Variants in FAM118A observed in about 807,000 individuals in gnomAD.
FAM118A encodes the protein SIR2 antiphage like 2.
In FAM118A, 25 loss-of-function variants were observed where a neutral mutation model predicts 38.2. The observed-to-expected ratio is 0.65, with a 90% CI of 0.48 to 0.91. The LOEUF (loss-of-function observed/expected upper bound fraction) is 0.91, where lower values mean the gene tolerates loss of function less well. Among genes scored for constraint, FAM118A ranks in the 40% least tolerant of loss-of-function variants. FAM118A has a pLI of 0.00. For missense variants in FAM118A, 425 were observed against 463.3 expected (o/e 0.92, Z 0.76); for synonymous variants, 178 against 184.1 (o/e 0.97, Z 0.27).
At chr22:45,336,517 G>A (rs1362933168) in intron 8 of FAM118A, 106 bp downstream of exon 8, 37 of 805,518 alleles carry the variant, frequency 4.6e-5, no homozygotes, top group Non-Finnish European at 7.0e-5. Context: ...TATGGTGGGA[G>A]GACGGTGCAT....
intron 8 of FAM118A, among the ~76,000 whole-genome samples, chr22:45,339,137 G>A (rs2086303196): frequency 6.6e-6 from 1 of 152,198 alleles, no homozygotes; most frequent in African/African-American, 2.4e-5. Context: ...GGGCTTAGTG[G>A]TTCACGCCTA....
At chr22:45,336,642 C>T (rs761648814) in intron 8 of FAM118A, among the ~76,000 whole-genome samples, 5 of 152,162 alleles carry the variant, frequency 3.3e-5, no homozygotes, top group Non-Finnish European at 7.3e-5. Context: ...AAAAATGTTA[C>T]GGAGAAAACA....
At chr22:45,335,947 C>T (rs925660965) in intron 7 of FAM118A, among the ~76,000 whole-genome samples, 1 of 152,198 alleles carries the variant, frequency 6.6e-6, no homozygotes, top group Non-Finnish European at 1.5e-5. Flanking sequence ...TGGTGAGTGG[C>T]GCGGAGGCCT....
chr22:45,330,763 C>T, intron 5 of FAM118A, 32 bp downstream of exon 5: 1 of 1,495,910 alleles, frequency 6.7e-7, no homozygotes. Flanking sequence ...ATCGGTGCGT[C>T]CTCTCAGGGA....
intron 1 of FAM118A, among the ~76,000 whole-genome samples, chr22:45,312,399 G>A (rs961138549): frequency 1.3e-5 from 2 of 152,100 alleles, no homozygotes; most frequent in African/African-American, 4.8e-5. Flanking sequence ...TTTGCCAGTC[G>A]CGGTGGCTCA....
At chr22:45,319,154 G>A (rs1294907332) in intron 1 of FAM118A, among the ~76,000 whole-genome samples, 2 of 152,240 alleles carry the variant, frequency 1.3e-5, no homozygotes, top group East Asian at 3.8e-4. Context: ...TTGAACAGTG[G>A]TTGAAAGAAC....
At chr22:45,319,468 A>T (rs895176707) in intron 1 of FAM118A, among the ~76,000 whole-genome samples, 1 of 152,184 alleles carries the variant, frequency 6.6e-6, no homozygotes, top group African/African-American at 2.4e-5. Context: ...GGAGGCCGGG[A>T]GTGTGCAGGC....
At chr22:45,335,266 G>T in intron 6 of FAM118A, 84 bp from the exon 7 acceptor site, 7 of 1,526,106 alleles carry the variant, frequency 4.6e-6, no homozygotes, top group Non-Finnish European at 6.3e-6. Context: ...AGTCCCTGCC[G>T]TTCCCAGTCA....
intron 3 of FAM118A, among the ~76,000 whole-genome samples, chr22:45,327,235 A>G (rs6006985): frequency 0.44 from 66,920 of 151,244 alleles, 18,126 homozygotes; most frequent in African/African-American, 0.76. Flanking sequence ...GCAAGGCCCT[A>G]TCTCAAAAAA....
chr22:45,313,095 A>G (rs1235762696), intron 1 of FAM118A, among the ~76,000 whole-genome samples: 1 of 152,138 alleles, frequency 6.6e-6, no homozygotes, highest in Non-Finnish European at 1.5e-5. Context: ...TCAGCTCATT[A>G]GCATACAAAA....
Position 45,328,061 on chromosome 22 carries a change from A to C in FAM118A, c.520A>C (p.Lys174Gln), listed in dbSNP as rs1283418683. Residue 174 changes from lysine to glutamine, a missense_variant and splice_region_variant, in exon 4 of 9, where the codon AAG (lysine) becomes CAG (glutamine). Coordinates refer to ENST00000441876, the MANE Select transcript of FAM118A (RefSeq NM_017911.4). ...GTCCCTGGACTTGAAGGACAAGACCAAGGTATGGGCTGGGGGTGCGGGAGG... is the reference window on the plus strand; with the variant it reads ...GTCCCTGGACTTGAAGGACAAGACCCAGGTATGGGCTGGGGGTGCGGGAGG... ...MESLDLKDKT[K>Q]VLEWARGHMK... is the part of the protein sequence containing the mutation. 1.1e-5 allele frequency: 9 copies of C among 790,660 alleles called. No homozygotes were observed. The highest frequency in any genetic ancestry group is 1.8e-5 in the Non-Finnish European group (9 of 487,666). The allele number at this position is 790,660 out of a possible 1,614,324, so 49.0% of individuals were successfully genotyped here.
At chr22:45,319,501 C>G (rs2084757132) in intron 1 of FAM118A, among the ~76,000 whole-genome samples, 1 of 152,208 alleles carries the variant, frequency 6.6e-6, no homozygotes, top group Admixed American at 6.5e-5. Context: ...AGGCCAGAGC[C>G]TGAGCTGTTG....
intron 3 of FAM118A, among the ~76,000 whole-genome samples, chr22:45,323,741 A>G (rs988351975): frequency 3.3e-5 from 5 of 152,206 alleles, no homozygotes; most frequent in South Asian, 4.1e-4. Context: ...TAGTGAAGGG[A>G]TATCCCTTAG....
At chr22:45,320,320 G>T (rs1425805467) in intron 1 of FAM118A, among the ~76,000 whole-genome samples, 1 of 151,978 alleles carries the variant, frequency 6.6e-6, no homozygotes, top group Non-Finnish European at 1.5e-5. Flanking sequence ...AAATTAGCCG[G>T]ATGTGGTGGC....
At chr22:45,324,161 G>T (rs943007111) in intron 3 of FAM118A, among the ~76,000 whole-genome samples, 3 of 152,238 alleles carry the variant, frequency 2.0e-5, no homozygotes, top group African/African-American at 7.2e-5. Context: ...AAGTGAGCTC[G>T]TCACCAAGGA....
intron 1 of FAM118A, among the ~76,000 whole-genome samples, chr22:45,312,616 A>G (rs1162232169): frequency 2.0e-5 from 3 of 152,194 alleles, no homozygotes; most frequent in Admixed American, 6.5e-5. Flanking sequence ...TGAGGTTGCA[A>G]TGAGCTGAGA....
chr22:45,326,007 T>C (rs2085238855), intron 3 of FAM118A, among the ~76,000 whole-genome samples: 1 of 152,010 alleles, frequency 6.6e-6, no homozygotes. Context: ...TCAGAAGAGC[T>C]GTGGCGATGA....
At chr22:45,312,426 A>C (rs1046487356) in intron 1 of FAM118A, among the ~76,000 whole-genome samples, 1 of 152,030 alleles carries the variant, frequency 6.6e-6, no homozygotes, top group Non-Finnish European at 1.5e-5. Context: ...TAATCCTAGC[A>C]CTTTGGTAGG....
chr22:45,339,427 T>C (rs2086326856), intron 8 of FAM118A, among the ~76,000 whole-genome samples: 1 of 151,912 alleles, frequency 6.6e-6, no homozygotes, highest in South Asian at 2.1e-4. Context: ...ATAATAGTTT[T>C]ATACAACTTC....
Sources: allele counts gnomAD v4.1 joint callset (sites outside exome capture counted in the v4.1 genomes callset), GRCh38; gene constraint gnomAD v4.1.1; transcripts MANE v1.5; gene names NCBI Gene and HGNC (gene_info 2026-07-23, HGNC 2026-07-21).